The following GSE1 variants were observed in gnomAD, a reference collection of about 807,000 sequenced individuals.
GSE1 encodes Gse1 coiled-coil protein, also known as genetic suppressor element 1.
GSE1 carries 32 observed loss-of-function variants against 112.6 expected under a neutral mutation model. The ratio of observed to expected loss-of-function variants is 0.28; its 90% confidence interval spans 0.21 to 0.38. The LOEUF is 0.38. Among genes scored for constraint, GSE1 ranks in the 10% least tolerant of loss-of-function variants. The pLI is 1.00. For synonymous variants in GSE1, 1,115 were observed against 735.6 expected (o/e 1.52, Z -8.35); for missense variants, 2,348 against 1,699.2 (o/e 1.38, Z -6.71).
At chr16:85,386,394 C>T (rs1386371418) in intron 2 of GSE1, among the ~76,000 whole-genome samples, 7 of 152,198 alleles carry the variant, frequency 4.6e-5, no homozygotes, top group African/African-American at 1.7e-4. Context: ...CCTCAGTTTC[C>T]CCCATAGGCA....
Position 85,661,250 on chromosome 16 carries a change from C to G in GSE1, c.1745C>G (p.Thr582Arg), listed in dbSNP as rs370910997. 7 of 1,612,952 alleles carry G rather than the reference C, an allele frequency of 4.3e-6. No individual in the cohort carries two copies. In the South Asian group the frequency reaches 7.7e-5, roughly 18 times the overall value. The change falls in exon 9 of 16, where the codon ACG becomes AGG. Residue 582 changes from threonine to arginine, a missense_variant. By Grantham distance (71) the Thr-to-Arg change is moderately conservative. Transcript: ENST00000253458. ...SPKPQLHAAPTALWNPVSLMD... is the reference protein window; with the variant it reads ...SPKPQLHAAPRALWNPVSLMD... ...AAGCCCCAGCTCCATGCTGCACCCACGGCCCTCTGGAACCCCGTGTCCCTG... is the reference window on the plus strand; with the variant it reads ...AAGCCCCAGCTCCATGCTGCACCCAGGGCCCTCTGGAACCCCGTGTCCCTG...
At chr16:85,499,032 A>C (rs1343293911) in intron 2 of GSE1, among the ~76,000 whole-genome samples, 2 of 152,226 alleles carry the variant, frequency 1.3e-5, no homozygotes, top group African/African-American at 4.8e-5. Context: ...ATTTGGTGGA[A>C]GGCAGGGCTT....
intron 1 of GSE1, among the ~76,000 whole-genome samples, chr16:85,342,811 G>C (rs2046652911): frequency 1.3e-5 from 2 of 151,816 alleles, no homozygotes; most frequent in Non-Finnish European, 1.5e-5. Flanking sequence ...GTGCTCCACA[G>C]GTGCCTAGCA....
rs1282241010 is a variant in GSE1, at chr16:85,675,030, C to A, written c.*2491C>A. ...AGCACACCACCCAAGACACAGTACC[C>A]AGTCATGGTTTCCCCATCCAACTAT... is the stretch of plus-strand genomic sequence containing the variant. On this transcript the variant is annotated 3_prime_UTR_variant, in exon 16 of 16. Coordinates refer to ENST00000253458, the MANE Select transcript of GSE1 (RefSeq NM_014615.5). 6.6e-6 allele frequency: 1 copy of A among 152,512 alleles called. No individual in the cohort carries two copies. Among genetic ancestry groups the A allele is most frequent in the East Asian group, 1.9e-4 (1 of 5,202 alleles). The allele number at this position is 152,512 out of a possible 1,614,324, so 9.4% of individuals were successfully genotyped here.
intron 2 of GSE1, among the ~76,000 whole-genome samples, chr16:85,393,184 A>G (rs1251037792): frequency 6.6e-6 from 1 of 152,202 alleles, no homozygotes; most frequent in Non-Finnish European, 1.5e-5. Context: ...TGGGAAGATC[A>G]CTTGAGGCCA....
chr16:85,463,540 G>A (rs2050037256), intron 2 of GSE1, among the ~76,000 whole-genome samples: 1 of 152,162 alleles, frequency 6.6e-6, no homozygotes, highest in South Asian at 2.1e-4. Context: ...GCAGTGACCC[G>A]GGAGGTGGGA....
At chr16:85,394,936 C>T (rs1302598254) in intron 2 of GSE1, among the ~76,000 whole-genome samples, 1 of 152,076 alleles carries the variant, frequency 6.6e-6, no homozygotes, top group Non-Finnish European at 1.5e-5. Flanking sequence ...ATGGGGCAGG[C>T]TAGAGGCATC....
chr16:85,385,374 C>A (rs1204375930), intron 2 of GSE1, among the ~76,000 whole-genome samples: 1 of 152,178 alleles, frequency 6.6e-6, no homozygotes, highest in African/African-American at 2.4e-5. Flanking sequence ...TGTGGTATGG[C>A]CCCCACTATT....
intron 1 of GSE1, among the ~76,000 whole-genome samples, chr16:85,321,792 TAAA>T (rs796199363): frequency 5.9e-5 from 8 of 135,912 alleles, no homozygotes; most frequent in Admixed American, 1.5e-4. Flanking sequence ...GAGCCTGTCT[TAAA>T]AAAAAAAAAA....
chr16:85,671,630 C>G (rs1022052139), intron 15 of GSE1, among the ~76,000 whole-genome samples: 9 of 152,088 alleles, frequency 5.9e-5, no homozygotes, highest in Admixed American at 4.6e-4. Flanking sequence ...GGGGTAAATT[C>G]AGACACCAGT....
intron 1 of GSE1, among the ~76,000 whole-genome samples, chr16:85,335,134 T>C (rs1265397514): frequency 2.0e-5 from 3 of 152,258 alleles, no homozygotes; most frequent in Non-Finnish European, 4.4e-5. Context: ...CTCCTGTTAA[T>C]CGCTCATGTT....
chr16:85,556,275 T>C (rs1235561360), exon 1 of GSE1: 17 of 984,102 alleles, frequency 1.7e-5, no homozygotes, highest in East Asian at 1.1e-4. Flanking sequence ...GGTTTTAATA[T>C]TATTTTCCTT....
intron 2 of GSE1, among the ~76,000 whole-genome samples, chr16:85,475,315 C>T (rs2050418539): frequency 6.6e-6 from 1 of 152,200 alleles, no homozygotes; most frequent in Non-Finnish European, 1.5e-5. Context: ...GTGATCAGTG[C>T]TGGGGGCCCC....
chr16:85,648,131 C>G (rs939257655), intron 2 of GSE1, among the ~76,000 whole-genome samples: 8 of 152,042 alleles, frequency 5.3e-5, no homozygotes, highest in Admixed American at 3.3e-4. Flanking sequence ...TTCATGACAC[C>G]TCCTAGAAAC....
At chr16:85,634,451 G>T (rs2049817794) in intron 2 of GSE1, among the ~76,000 whole-genome samples, 1 of 152,178 alleles carries the variant, frequency 6.6e-6, no homozygotes, top group Admixed American at 6.5e-5. Context: ...GGGTGCCCTG[G>T]ACCAGGGGAG....
At chr16:85,580,405 C>G (rs2046400167) in intron 1 of GSE1, among the ~76,000 whole-genome samples, 3 of 152,176 alleles carry the variant, frequency 2.0e-5, no homozygotes, top group Admixed American at 2.0e-4. Context: ...GGCTGGCCAG[C>G]ATCCGAACCC....
chr16:85,481,983 G>A (rs2050694811), intron 2 of GSE1, among the ~76,000 whole-genome samples: 1 of 152,258 alleles, frequency 6.6e-6, no homozygotes, highest in Non-Finnish European at 1.5e-5. Context: ...GGTGGCCGAT[G>A]CCCTCGCCGG....
intron 2 of GSE1, among the ~76,000 whole-genome samples, chr16:85,385,166 G>A (rs191434989): frequency 4.6e-5 from 7 of 152,390 alleles, no homozygotes; most frequent in Admixed American, 2.0e-4. Flanking sequence ...TGGGATGGGT[G>A]CCTGGGGCAG....
chr16:85,640,923 A>AG (rs1250090005), intron 2 of GSE1, among the ~76,000 whole-genome samples: 2 of 152,184 alleles, frequency 1.3e-5, no homozygotes, highest in Admixed American at 1.3e-4. Flanking sequence ...GCTGGTGGTC[A>AG]GGGGAAGCCA....
Sources: allele counts gnomAD v4.1 joint callset (sites outside exome capture counted in the v4.1 genomes callset), GRCh38; gene constraint gnomAD v4.1.1; transcripts MANE v1.5; gene names NCBI Gene and HGNC (gene_info 2026-07-23, HGNC 2026-07-21).